The following GRM1 variants were observed in gnomAD, a reference collection of about 807,000 sequenced individuals.
GRM1 encodes the protein glutamate metabotropic receptor 1, also known as metabotropic glutamate receptor 1.
Under a neutral mutation model 90.9 loss-of-function variants are expected in GRM1, and 33 were observed. The ratio of observed to expected loss-of-function variants is 0.36; its 90% CI spans 0.28 to 0.49. GRM1 has a LOEUF of 0.49. GRM1 is among the 20% of genes least tolerant of loss of function. The probability of loss-of-function intolerance (pLI) is 0.99; values close to 1 mark genes in which losing one functional copy is unlikely to be tolerated. For missense variants in GRM1, 1,190 were observed against 1,534.3 expected (o/e 0.78, Z 3.75); for synonymous variants, 700 against 613.2 (o/e 1.14, Z -2.09).
intron 6 of GRM1, among the ~76,000 whole-genome samples, chr6:146,391,205 TGGATCTTATAA>T (rs914581679): frequency 5.9e-5 from 9 of 152,244 alleles, no homozygotes; most frequent in African/African-American, 1.9e-4. Context: ...TAAGATGTAC[TGGATCTTATAA>T]GGATCTTATA....
chr6:146,120,962 A>C (rs1775963428), intron 1 of GRM1, among the ~76,000 whole-genome samples: 1 of 152,206 alleles, frequency 6.6e-6, no homozygotes, highest in Non-Finnish European at 1.5e-5. Context: ...AAAATGAGTT[A>C]GGGAGGATTC....
At chr6:146,368,733 T>G (rs1158094410) in intron 5 of GRM1, among the ~76,000 whole-genome samples, 1 of 152,126 alleles carries the variant, frequency 6.6e-6, no homozygotes, top group Non-Finnish European at 1.5e-5. Flanking sequence ...TTTGATGTAC[T>G]GTGGAATTTG....
chr6:146,065,945 C>T (rs1462106270), intron 1 of GRM1, among the ~76,000 whole-genome samples: 1 of 151,396 alleles, frequency 6.6e-6, no homozygotes, highest in African/African-American at 2.4e-5. Flanking sequence ...GTCAGATTCC[C>T]ATGACTCAAA....
intron 3 of GRM1, among the ~76,000 whole-genome samples, chr6:146,305,617 G>A (rs1783550150): frequency 6.6e-6 from 1 of 152,192 alleles, no homozygotes; most frequent in African/African-American, 2.4e-5. Context: ...TTCAAAGCCA[G>A]TTGTTCTTAC....
intron 2 of GRM1, among the ~76,000 whole-genome samples, chr6:146,259,561 C>T (rs533832111): frequency 6.6e-6 from 1 of 152,200 alleles, no homozygotes; most frequent in Admixed American, 6.5e-5. Flanking sequence ...AATAGTTGTC[C>T]TTCTGTGATG....
At chr6:146,167,438 A>C (rs1212519324) in intron 2 of GRM1, among the ~76,000 whole-genome samples, 1 of 152,076 alleles carries the variant, frequency 6.6e-6, no homozygotes, top group Non-Finnish European at 1.5e-5. Flanking sequence ...GTGTGTGTTT[A>C]ACCTTGTCAA....
intron 6 of GRM1, among the ~76,000 whole-genome samples, chr6:146,395,623 T>C (rs1186060589): frequency 6.6e-6 from 1 of 152,116 alleles, no homozygotes; most frequent in Non-Finnish European, 1.5e-5. Flanking sequence ...ATTTCCAAAT[T>C]CTATAGCAAA....
At chr6:146,265,301 T>C (rs189183036) in intron 2 of GRM1, among the ~76,000 whole-genome samples, 1 of 152,296 alleles carries the variant, frequency 6.6e-6, no homozygotes, top group East Asian at 1.9e-4. Flanking sequence ...AGCATTTTTG[T>C]ATATTTGTTG....
intron 2 of GRM1, among the ~76,000 whole-genome samples, chr6:146,210,354 A>G (rs904714843): frequency 2.6e-5 from 4 of 152,226 alleles, no homozygotes; most frequent in Admixed American, 1.3e-4. Flanking sequence ...AAACTAGAAA[A>G]TAAGTGATAA....
chr6:146,423,578 G>T (rs537678274), intron 7 of GRM1, among the ~76,000 whole-genome samples: 1 of 151,886 alleles, frequency 6.6e-6, no homozygotes, highest in African/African-American at 2.4e-5. Context: ...CAAAGGAACC[G>T]CAGAACTGTC....
At chr6:146,075,410 G>A (rs1776151368) in intron 1 of GRM1, among the ~76,000 whole-genome samples, 1 of 152,172 alleles carries the variant, frequency 6.6e-6, no homozygotes, top group African/African-American at 2.4e-5. Flanking sequence ...CTGGAAAAAG[G>A]CAATAAAGTA....
chr6:146,426,029 T>C (rs1778198068), intron 7 of GRM1, among the ~76,000 whole-genome samples: 1 of 152,150 alleles, frequency 6.6e-6, no homozygotes, highest in East Asian at 1.9e-4. Context: ...GGTGGGTCTG[T>C]TGCTGCTCCC....
chr6:146,431,416 T>C (rs1376182522), intron 7 of GRM1, among the ~76,000 whole-genome samples: 2 of 152,160 alleles, frequency 1.3e-5, no homozygotes, highest in Non-Finnish European at 2.9e-5. Flanking sequence ...CTGTGGACAA[T>C]GAGGAAAACA....
At chr6:146,423,753 C>G (rs1263521657) in intron 7 of GRM1, among the ~76,000 whole-genome samples, 1 of 152,078 alleles carries the variant, frequency 6.6e-6, no homozygotes, top group Non-Finnish European at 1.5e-5. Flanking sequence ...GTCAAGGCAT[C>G]CCCCCGCCCC....
chr6:146,151,785 G>A (rs1041631198), intron 1 of GRM1, among the ~76,000 whole-genome samples: 3 of 151,880 alleles, frequency 2.0e-5, no homozygotes, highest in African/African-American at 4.8e-5. Flanking sequence ...CTTTACTCTG[G>A]TATAAACAAT....
At chr6:146,196,406 G>A (rs1779121655) in intron 2 of GRM1, among the ~76,000 whole-genome samples, 1 of 148,510 alleles carries the variant, frequency 6.7e-6, no homozygotes, top group South Asian at 2.2e-4. Flanking sequence ...TCCTGCCTCA[G>A]CCTCCCAAGT....
At chr6:146,432,111 T>C (rs371199966) in intron 7 of GRM1, among the ~76,000 whole-genome samples, 1 of 152,206 alleles carries the variant, frequency 6.6e-6, no homozygotes, top group Non-Finnish European at 1.5e-5. Context: ...TTAAAAACTT[T>C]ACAAGCACTT....
intron 2 of GRM1, among the ~76,000 whole-genome samples, chr6:146,184,678 A>G (rs1424337243): frequency 6.6e-6 from 1 of 152,112 alleles, no homozygotes; most frequent in Non-Finnish European, 1.5e-5. Context: ...AACAATCTTA[A>G]CATTCTAGAA....
chr6:146,090,608 C>A (rs1776683804), intron 1 of GRM1, among the ~76,000 whole-genome samples: 1 of 152,042 alleles, frequency 6.6e-6, no homozygotes, highest in African/African-American at 2.4e-5. Context: ...TGGCTTTAAG[C>A]CATAGCTGTG....
Sources: allele counts gnomAD v4.1 joint callset (sites outside exome capture counted in the v4.1 genomes callset), GRCh38; gene constraint gnomAD v4.1.1; transcripts MANE v1.5; gene names NCBI Gene and HGNC (gene_info 2026-07-23, HGNC 2026-07-21).